Variants in SYN3 observed in about 807,000 individuals in gnomAD.
SYN3 encodes synapsin III, also known as synapsin-3.
In SYN3, 35 loss-of-function variants were observed where a neutral mutation model predicts 65.8. The ratio of observed to expected loss-of-function variants is 0.53; its 90% CI spans 0.41 to 0.70. The LOEUF (loss-of-function observed/expected upper bound fraction) is 0.70. Ranked by LOEUF, SYN3 falls within the 30% of genes least tolerant of loss-of-function variation. The pLI is 0.00. For missense variants in SYN3, 680 were observed against 749.0 expected (o/e 0.91, Z 1.08); for synonymous variants, 270 against 292.9 (o/e 0.92, Z 0.80).
intron 13 of SYN3, among the ~76,000 whole-genome samples, chr22:32,516,426 C>A (rs2057777696): frequency 6.6e-6 from 1 of 152,052 alleles, no homozygotes; most frequent in Non-Finnish European, 1.5e-5. Context: ...TGCAATGGCG[C>A]CATCTCAGCT....
At chr22:33,034,135 G>A (rs1245263894) in intron 1 of SYN3, among the ~76,000 whole-genome samples, 3 of 150,824 alleles carry the variant, frequency 2.0e-5, no homozygotes, top group South Asian at 2.1e-4. Flanking sequence ...GCAGTGAGTC[G>A]AGATTGTGCC....
At position 33,009,004 on chromosome 22, in the gene SYN3, C is replaced by A. The variant is rs969217631; in HGVS notation, c.-162-2180G>T. On this transcript the variant is annotated intron_variant, in intron 1 of 13. Coordinates refer to ENST00000358763, the MANE Select transcript of SYN3 (RefSeq NM_003490.4). ...GAAAAAGAAAAAAGAAAAAGAAAATCGGAAATGTTTGCAGTTTTCAGAAAT... is the reference window on the plus strand; with the variant it reads ...GAAAAAGAAAAAAGAAAAAGAAAATAGGAAATGTTTGCAGTTTTCAGAAAT... Among the ~76,000 whole-genome samples, 3 of 132,464 alleles carry A rather than the reference C, an allele frequency of 2.3e-5. No homozygotes were observed. In the Admixed American group the frequency reaches 2.3e-4, roughly 10 times the overall value. 86.9% of individuals were successfully genotyped at this position (132,464 alleles called of 152,430 possible).
chr22:32,760,888 A>C (rs2045460373), intron 6 of SYN3, among the ~76,000 whole-genome samples: 1 of 152,202 alleles, frequency 6.6e-6, no homozygotes, highest in African/African-American at 2.4e-5. Flanking sequence ...ATGGGCCAGG[A>C]CACTTCACAC....
chr22:32,920,055 T>C (rs1031559029), intron 4 of SYN3, among the ~76,000 whole-genome samples: 1 of 152,200 alleles, frequency 6.6e-6, no homozygotes, highest in Admixed American at 6.5e-5. Context: ...CTCTGATGCC[T>C]TTCGTCAAGG....
intron 6 of SYN3, among the ~76,000 whole-genome samples, chr22:32,723,125 G>A (rs984719713): frequency 6.6e-5 from 10 of 152,202 alleles, no homozygotes; most frequent in African/African-American, 2.4e-4. Context: ...CACCTACTGC[G>A]CCCTGCTCAA....
At chr22:32,733,985 C>T (rs186467787) in intron 6 of SYN3, among the ~76,000 whole-genome samples, 35 of 152,180 alleles carry the variant, frequency 2.3e-4, no homozygotes, top group Middle Eastern at 3.4e-3. Context: ...CTGAGCCAAG[C>T]AAAGAGCCAA....
chr22:32,946,498 C>T (rs1285125484), intron 3 of SYN3, among the ~76,000 whole-genome samples: 1 of 146,266 alleles, frequency 6.8e-6, no homozygotes, highest in East Asian at 2.0e-4. Context: ...ACAATGAGAA[C>T]ACTTGGACAC....
chr22:32,832,299 GA>G (rs1216937871), intron 6 of SYN3, among the ~76,000 whole-genome samples: 1 of 152,180 alleles, frequency 6.6e-6, no homozygotes, highest in Non-Finnish European at 1.5e-5. Flanking sequence ...GAACCCAGGG[GA>G]AATGCATGAG....
chr22:32,591,351 T>C (rs2059125465), intron 7 of SYN3, among the ~76,000 whole-genome samples: 1 of 152,226 alleles, frequency 6.6e-6, no homozygotes, highest in African/African-American at 2.4e-5. Context: ...GAATGTGAGA[T>C]GTTCTTACAA....
intron 3 of SYN3, chr22:32,947,460 T>C (rs1480509020): frequency 1.3e-5 from 2 of 152,178 alleles, no homozygotes; most frequent in Non-Finnish European, 2.9e-5. Context: ...CCTCACACAT[T>C]AAGCAACTTG....
intron 6 of SYN3, among the ~76,000 whole-genome samples, chr22:32,693,591 TG>T (rs1283470109): frequency 1.4e-5 from 2 of 140,950 alleles, no homozygotes; most frequent in Non-Finnish European, 3.0e-5. Context: ...TTCTGTAGCT[TG>T]TTTTTTTTTT....
intron 3 of SYN3, among the ~76,000 whole-genome samples, chr22:32,954,944 T>TTTTC (rs2051403795): frequency 7.1e-6 from 1 of 140,904 alleles, no homozygotes; most frequent in African/African-American, 2.5e-5. Context: ...TTCCTTTTCT[T>TTTTC]TTTTTTTTTT....
chr22:32,803,012 G>A (rs1051672330), intron 6 of SYN3, among the ~76,000 whole-genome samples: 4 of 152,152 alleles, frequency 2.6e-5, no homozygotes, highest in Non-Finnish European at 5.9e-5. Context: ...GGAGGGCCCC[G>A]AGAGCATCCT....
chr22:33,050,951 C>T (rs9619326), intron 1 of SYN3, among the ~76,000 whole-genome samples: 42,502 of 152,106 alleles, frequency 0.28, 6,365 homozygotes, highest in South Asian at 0.37. Flanking sequence ...GCCGTGTATC[C>T]CTTTATTCAA....
intron 3 of SYN3, among the ~76,000 whole-genome samples, chr22:32,935,699 G>A (rs984314080): frequency 1.1e-4 from 17 of 152,256 alleles, no homozygotes; most frequent in African/African-American, 3.6e-4. Context: ...CGATCCACCC[G>A]CCTCAGCTTC....
chr22:32,581,663 G>A (rs771955198), intron 7 of SYN3, among the ~76,000 whole-genome samples: 11 of 152,012 alleles, frequency 7.2e-5, no homozygotes, highest in African/African-American at 1.4e-4. Context: ...TTTATTTGAC[G>A]TATACAGTGT....
At chr22:32,849,664 CCTG>C in intron 6 of SYN3, 5 of 822,074 alleles carry the variant, frequency 6.1e-6, no homozygotes, top group Non-Finnish European at 1.0e-5. Context: ...AGCCCTTCTG[CCTG>C]CTGGAGAGGG....
intron 6 of SYN3, among the ~76,000 whole-genome samples, chr22:32,721,240 C>T (rs1287323481): frequency 6.6e-6 from 1 of 152,210 alleles, no homozygotes; most frequent in African/African-American, 2.4e-5. Flanking sequence ...CTGCCACCTC[C>T]CCTGGTGCAG....
chr22:32,994,028 C>T (rs555925201), intron 2 of SYN3, among the ~76,000 whole-genome samples: 2 of 152,174 alleles, frequency 1.3e-5, no homozygotes, highest in African/African-American at 4.8e-5. Flanking sequence ...ACTGTTCCCC[C>T]CTCCTCCCCG....
Sources: gnomAD v4.1 joint callset for allele counts (sites outside exome capture counted in the v4.1 genomes callset) on GRCh38, gnomAD v4.1.1 for gene constraint, MANE v1.5 for transcripts, NCBI Gene and HGNC (gene_info 2026-07-23, HGNC 2026-07-21) for gene names.